The following EYS variants were observed in gnomAD, a reference collection of about 807,000 sequenced individuals.
The protein encoded by EYS is protein eyes shut homolog.
Under a neutral mutation model 282.1 loss-of-function variants are expected in EYS, and 250 were observed. The ratio of observed to expected loss-of-function variants is 0.89; its 90% CI spans 0.80 to 0.98. The LOEUF is 0.98. EYS is among the 50% of genes least tolerant of loss of function. EYS has a pLI of 0.00. For missense variants in EYS, 4,016 were observed against 3,709.0 expected, an observed-to-expected ratio of 1.08 and a Z score of -2.15; for synonymous variants, 1,355 against 1,282.9, an observed-to-expected ratio of 1.06 and a Z score of -1.20.
At chr6:63,963,218 A>G (rs1766159164) in intron 35 of EYS, among the ~76,000 whole-genome samples, 1 of 152,082 alleles carries the variant, frequency 6.6e-6, no homozygotes, top group African/African-American at 2.4e-5. Flanking sequence ...GCATATGTAT[A>G]TATATGTAAC....
chr6:64,306,340 A>C (rs2150375595), intron 30 of EYS, among the ~76,000 whole-genome samples: 1 of 152,194 alleles, frequency 6.6e-6, no homozygotes, highest in South Asian at 2.1e-4. Context: ...CTGCGTTTCC[A>C]ATTTACCATA....
intron 31 of EYS, among the ~76,000 whole-genome samples, chr6:64,125,100 T>A (rs1456776812): frequency 6.6e-6 from 1 of 151,422 alleles, no homozygotes; most frequent in African/African-American, 2.5e-5. Context: ...GCAGGATAGA[T>A]CCTGACTCCC....
intron 12 of EYS, among the ~76,000 whole-genome samples, chr6:65,133,986 G>A (rs1487305595): frequency 6.6e-6 from 1 of 151,972 alleles, no homozygotes; most frequent in East Asian, 1.9e-4. Flanking sequence ...AGGCATACAT[G>A]CAGCCAACAG....
intron 35 of EYS, among the ~76,000 whole-genome samples, chr6:63,937,858 T>C (rs1312954483): frequency 6.6e-6 from 1 of 152,220 alleles, no homozygotes; most frequent in Non-Finnish European, 1.5e-5. Context: ...CTTCTCCCTG[T>C]ATATAAGTTA....
chr6:64,609,339 G>C (rs1582950361), intron 24 of EYS, among the ~76,000 whole-genome samples: 1 of 152,150 alleles, frequency 6.6e-6, no homozygotes, highest in Admixed American at 6.6e-5. Context: ...TGGGCAGGAA[G>C]GATTGGAGAT....
chr6:64,891,239 C>T (rs1362493913), intron 18 of EYS, among the ~76,000 whole-genome samples: 1 of 151,972 alleles, frequency 6.6e-6, no homozygotes, highest in East Asian at 1.9e-4. Flanking sequence ...ACTTATATTT[C>T]TTACTTTCCA....
At chr6:64,055,156 C>A (rs1770937670) in intron 33 of EYS, among the ~76,000 whole-genome samples, 1 of 152,250 alleles carries the variant, frequency 6.6e-6, no homozygotes, top group South Asian at 2.1e-4. Flanking sequence ...AAGCAAGAAC[C>A]TTCAAAGACA....
intron 2 of EYS, among the ~76,000 whole-genome samples, chr6:65,527,374 G>T (rs1242028358): frequency 6.6e-6 from 1 of 152,128 alleles, no homozygotes; most frequent in Non-Finnish European, 1.5e-5. Flanking sequence ...ATTGAAAACT[G>T]CACATCTTCT....
intron 12 of EYS, among the ~76,000 whole-genome samples, chr6:65,259,314 A>G (rs1032246173): frequency 5.9e-5 from 9 of 152,074 alleles, no homozygotes; most frequent in African/African-American, 2.2e-4. Flanking sequence ...CTGGAAATAC[A>G]GAGTGAGTCA....
At chr6:65,091,988 T>C (rs894765733) in intron 12 of EYS, among the ~76,000 whole-genome samples, 7 of 152,132 alleles carry the variant, frequency 4.6e-5, no homozygotes, top group Admixed American at 1.3e-4. Context: ...GACCCCAGCT[T>C]GGGTTGAAAT....
rs571887461 is a variant in EYS at position 64,298,716 on chromosome 6, C to T, written c.6191+8254G>A. Among the ~76,000 whole-genome samples, 14 of 152,022 alleles carry T rather than the reference C, an allele frequency of 9.2e-5. No individual in the cohort carries two copies. In the East Asian group the frequency reaches 2.7e-3, roughly 29 times the overall value. ...ATTATAAATGATTGTACTCTTGAAT[C>T]AAAAAACAGAAACCTGCAGAATGGA... On this transcript the variant is annotated intron_variant, in intron 30 of 42. Coordinates refer to ENST00000503581, the MANE Select transcript of EYS (RefSeq NM_001142800.2).
intron 28 of EYS, among the ~76,000 whole-genome samples, chr6:64,410,310 G>A (rs1773845511): frequency 6.6e-6 from 1 of 152,160 alleles, no homozygotes; most frequent in South Asian, 2.1e-4. Context: ...TGGAATGAGA[G>A]TGAATCCTCA....
At chr6:65,266,298 A>G (rs1767750607) in intron 12 of EYS, among the ~76,000 whole-genome samples, 1 of 151,922 alleles carries the variant, frequency 6.6e-6, no homozygotes, top group Non-Finnish European at 1.5e-5. Context: ...AGGACTGGTT[A>G]GAGAATGATA....
chr6:64,807,618 T>C (rs1764471541), intron 22 of EYS, among the ~76,000 whole-genome samples: 1 of 152,158 alleles, frequency 6.6e-6, no homozygotes, highest in African/African-American at 2.4e-5. Flanking sequence ...TATTATTAAA[T>C]TGGCATTTCT....
At chr6:63,896,003 TA>T (rs1383829117) in intron 35 of EYS, among the ~76,000 whole-genome samples, 1 of 149,326 alleles carries the variant, frequency 6.7e-6, no homozygotes, top group Non-Finnish European at 1.5e-5. Flanking sequence ...ACTGAAAAAA[TA>T]CTTTGTGAAT....
At position 65,353,636 on chromosome 6, in the gene EYS, G is replaced by GA. The variant is rs763337006; in HGVS notation, c.1300-20dup. 1.9e-6 allele frequency: 3 copies of GA among 1,602,264 alleles called. No homozygotes were observed. The highest frequency in any genetic ancestry group is 3.3e-5 in the Admixed American group (2 of 59,878). On this transcript the variant is annotated intron_variant, in intron 8 of 42. Transcript: ENST00000503581. ...ATACATACTGCAAAAAGGAAACAAGGAAAAATGGTAAATTCTTTTTTGATA... is the reference window on the plus strand; with the variant it reads ...ATACATACTGCAAAAAGGAAACAAGGAAAAAATGGTAAATTCTTTTTTGATA...
chr6:64,490,357 T>C (rs558890191), intron 26 of EYS, among the ~76,000 whole-genome samples: 10 of 151,108 alleles, frequency 6.6e-5, no homozygotes, highest in Admixed American at 4.0e-4. Flanking sequence ...AGTTATAAAA[T>C]ATGTCATGGT....
chr6:65,266,321 T>A (rs1582080517), intron 12 of EYS, among the ~76,000 whole-genome samples: 1 of 151,896 alleles, frequency 6.6e-6, no homozygotes, highest in African/African-American at 2.4e-5. Flanking sequence ...ATTGATAGAA[T>A]AGAAATTGAT....
intron 12 of EYS, among the ~76,000 whole-genome samples, chr6:65,247,551 C>T (rs1322228441): frequency 6.6e-6 from 1 of 151,946 alleles, no homozygotes; most frequent in Non-Finnish European, 1.5e-5. Context: ...AGAACATTGC[C>T]TAGTATATGA....
Sources: allele counts gnomAD v4.1 joint callset (sites outside exome capture counted in the v4.1 genomes callset), GRCh38; gene constraint gnomAD v4.1.1; transcripts MANE v1.5; gene names NCBI Gene and HGNC (gene_info 2026-07-23, HGNC 2026-07-21).